The following ASIC4 variants were observed in gnomAD, a reference collection of about 807,000 sequenced individuals.
ASIC4 encodes the protein acid sensing ion channel subunit family member 4, also known as acid-sensing ion channel 4.
A neutral mutation model predicts 53.4 loss-of-function variants in ASIC4; 28 were observed. The observed-to-expected ratio is 0.52, with a 90% CI of 0.39 to 0.72. ASIC4 has a LOEUF of 0.72. Ranked by LOEUF, ASIC4 falls within the 30% of genes least tolerant of loss-of-function variation. The pLI is 0.00. For missense variants in ASIC4, 649 were observed against 729.7 expected, an observed-to-expected ratio of 0.89 and a Z score of 1.27; for synonymous variants, 289 against 301.4, an observed-to-expected ratio of 0.96 and a Z score of 0.43.
Position 219,538,120 on chromosome 2 carries a change from G to A in ASIC4, c.*74G>A. 1.5e-6 allele frequency: 2 copies of A among 1,297,052 alleles called. No individual in the cohort carries two copies. Among genetic ancestry groups the A allele is most frequent in the South Asian group, 1.3e-5 (1 of 78,836 alleles). The allele number at this position is 1,297,052 out of a possible 1,614,324, so 80.3% of individuals were successfully genotyped here. On this transcript the variant is annotated 3_prime_UTR_variant, in exon 10 of 10. Coordinates refer to ENST00000358078, the MANE Select transcript of ASIC4 (RefSeq NM_018674.6). ...ATCCCCAGCACATTCTCCTGCTCCTGGGAGAGGCCTGGGGGCGGTGCTCAC... is the reference window on the plus strand; with the variant it reads ...ATCCCCAGCACATTCTCCTGCTCCTAGGAGAGGCCTGGGGGCGGTGCTCAC...
In ASIC4 at chr2:219,532,489, AC is replaced by A. The variant is rs1168778031; in HGVS notation, c.1018+17del. ...GGTGCACATGCCAGGTGGGCACCCCACCCCCAGCCAGCCCTCCATGCCACCC... is the reference window on the plus strand; with the variant it reads ...GGTGCACATGCCAGGTGGGCACCCCACCCCAGCCAGCCCTCCATGCCACCC... On this transcript the variant is annotated intron_variant, in intron 4 of 9. Transcript: ENST00000358078. 1 of 1,601,504 alleles carries A rather than the reference AC, an allele frequency of 6.2e-7. No individual in the cohort carries two copies. The highest frequency in any genetic ancestry group is 1.1e-5 in the South Asian group (1 of 90,756).
Position 219,538,091 on chromosome 2 carries a change from T to G in ASIC4, c.*45T>G, listed in dbSNP as rs574977275. On this transcript the variant is annotated 3_prime_UTR_variant, in exon 10 of 10. Transcript: ENST00000358078. ...GGACCCAGGAGTCTGGGACCCCTCCTGGGATCCCCAGCACATTCTCCTGCT... is the reference window on the plus strand; with the variant it reads ...GGACCCAGGAGTCTGGGACCCCTCCGGGGATCCCCAGCACATTCTCCTGCT... The G allele has an allele frequency of 1.4e-5, 20 of 1,480,636 alleles. 1 individual carries two copies. The South Asian group carries it at 1.7e-4, about 12-fold the overall frequency. The allele number at this position is 1,480,636 out of a possible 1,614,324, so 91.7% of individuals were successfully genotyped here. A position where few individuals can be genotyped will look rare whatever the true frequency, so the allele number is the denominator to read the frequency against.
At chr2:219,522,016 A>G (rs1694892139) in intron 1 of ASIC4, among the ~76,000 whole-genome samples, 1 of 152,214 alleles carries the variant, frequency 6.6e-6, no homozygotes, top group Admixed American at 6.5e-5. Flanking sequence ...TGTGTTTTCT[A>G]GGAAGAGGTG....
intron 1 of ASIC4, among the ~76,000 whole-genome samples, chr2:219,523,953 A>G (rs1370739183): frequency 6.6e-6 from 1 of 152,062 alleles, no homozygotes; most frequent in Non-Finnish European, 1.5e-5. Context: ...CCTCCTGAGT[A>G]GCTGGGACTA....
intron 1 of ASIC4, among the ~76,000 whole-genome samples, chr2:219,531,118 G>A (rs1260188684): frequency 1.3e-5 from 2 of 152,070 alleles, no homozygotes; most frequent in Non-Finnish European, 2.9e-5. Flanking sequence ...GGAAGCCAAA[G>A]CAGAAGGATT....
chr2:219,516,370 G>A lies in ASIC4; in HGVS notation c.582+1064G>A, dbSNP rs935898663. 2.6e-5 allele frequency among the ~76,000 whole-genome samples: 4 copies of A among 152,108 alleles called. No homozygotes were observed. The highest frequency in any genetic ancestry group is 2.1e-4 in the South Asian group (1 of 4,822). On this transcript the variant is annotated intron_variant, in intron 1 of 9. Coordinates refer to ENST00000358078, the MANE Select transcript of ASIC4 (RefSeq NM_018674.6). The surrounding 1 kb of genome is among the most constrained non-coding windows in gnomAD (Gnocchi z 4.9). ...GAGCACAAACACAAGCACCCTCTCC[G>A]GGAGAGGGGTGTGAGCTTGGGCTGC...
upstream of ASIC4, among the ~76,000 whole-genome samples, chr2:219,510,283 A>T (rs1378488369): frequency 6.9e-6 from 1 of 145,798 alleles, no homozygotes; most frequent in African/African-American, 2.6e-5. This position sits in a 1 kb window ranked among gnomAD's most constrained non-coding sequence, Gnocchi z 5.2. Flanking sequence ...TGCTCCCAGC[A>T]GCTTTCGCTG....
chr2:219,532,166 G>A (rs202019494), intron 3 of ASIC4, 38 bp downstream of exon 3: 1 of 1,612,746 alleles, frequency 6.2e-7, no homozygotes, highest in Non-Finnish European at 8.5e-7. Flanking sequence ...TGGGCACAGG[G>A]CTCGCCTTTG....
chr2:219,527,311 G>A (rs1338902297), intron 1 of ASIC4, among the ~76,000 whole-genome samples: 1 of 152,336 alleles, frequency 6.6e-6, no homozygotes, highest in South Asian at 2.1e-4. Context: ...TGGCCAGTCC[G>A]TTCCCTGCAG....
chr2:219,511,768 G>A (rs904893246), upstream of ASIC4, among the ~76,000 whole-genome samples: 1 of 151,990 alleles, frequency 6.6e-6, no homozygotes, highest in African/African-American at 2.4e-5. This position sits in a 1 kb window ranked among gnomAD's most constrained non-coding sequence, Gnocchi z 5.3. Flanking sequence ...CGGGGTGGGG[G>A]TGGGGAAGAA....
intron 1 of ASIC4, among the ~76,000 whole-genome samples, chr2:219,521,562 G>A (rs12997339): frequency 0.015 from 2,224 of 152,256 alleles, 22 homozygotes; most frequent in Middle Eastern, 0.037. Context: ...AGCACTACAG[G>A]GAGCATTGGA....
rs1283768374 is a variant in ASIC4 at position 219,531,791 on chromosome 2, A to C, written c.616A>C (p.Asn206His). Reference protein sequence around the residue: ...YTRYGKCYTFNADPRSSLPSR... With the variant: ...YTRYGKCYTFHADPRSSLPSR... ...TCGCTATGGGAAGTGTTACACCTTCAACGCGGACCCGCGGAGCTCGCTGCC... is the reference window on the plus strand; with the variant it reads ...TCGCTATGGGAAGTGTTACACCTTCCACGCGGACCCGCGGAGCTCGCTGCC... The change falls in exon 2 of 10, where the codon AAC (asparagine) becomes CAC (histidine). Residue 206 changes from asparagine (N) to histidine (H), a missense_variant. Physicochemically the swap from Asn to His is moderately conservative, Grantham distance 68. Coordinates refer to ENST00000358078, the MANE Select transcript of ASIC4 (RefSeq NM_018674.6). 4.3e-6 allele frequency: 7 copies of C among 1,612,048 alleles called. No homozygotes were observed. The highest frequency in any genetic ancestry group is 1.3e-5 in the African/African-American group (1 of 75,010).
intron 2 of ASIC4, 40 bp downstream of exon 2, chr2:219,531,942 T>C (rs1279755537): frequency 1.2e-6 from 2 of 1,612,202 alleles, no homozygotes; most frequent in Non-Finnish European, 8.5e-7. Context: ...CCTTGGGGAC[T>C]GGGGCCTGGG....
chr2:219,514,384 C>G, upstream of ASIC4: 1 of 1,546,434 alleles, frequency 6.5e-7, no homozygotes. Context: ...CGTGGCGGAG[C>G]AGCGCTCGCT....
the ASIC4 span, among the ~76,000 whole-genome samples, chr2:219,508,063 C>G: frequency 6.6e-6 from 1 of 152,208 alleles, no homozygotes; most frequent in Non-Finnish European, 1.5e-5. Flanking sequence ...CAGTCCTGAC[C>G]TATAAGCTGT....
chr2:219,534,241 CT>C (rs1306771420), intron 5 of ASIC4, among the ~76,000 whole-genome samples: 1 of 152,190 alleles, frequency 6.6e-6, no homozygotes, highest in Non-Finnish European at 1.5e-5. Context: ...ACATCCAGCC[CT>C]TCTCTGTCCC....
Position 219,532,644 on chromosome 2 carries a change from A to G in ASIC4, c.1018+167A>G, listed in dbSNP as rs181188966. On this transcript the variant is annotated intron_variant, in intron 4 of 9. Coordinates refer to ENST00000358078, the MANE Select transcript of ASIC4 (RefSeq NM_018674.6). ...TTGGGATTTTTAAACATGGTTTCAC[A>G]TATGCATGTGGGAATGCCGGCATGC... 1.1e-4 allele frequency: 111 copies of G among 1,034,350 alleles called. No individual in the cohort carries two copies. The Middle Eastern group carries it at 2.2e-3, about 21-fold the overall frequency. The allele number at this position is 1,034,350 out of a possible 1,614,324, so 64.1% of individuals were successfully genotyped here. A position where few individuals can be genotyped will look rare whatever the true frequency, so the allele number is the denominator to read the frequency against.
At chr2:219,534,673 G>A (rs1393698717) in intron 5 of ASIC4, among the ~76,000 whole-genome samples, 1 of 152,184 alleles carries the variant, frequency 6.6e-6, no homozygotes, top group African/African-American at 2.4e-5. Context: ...TGGATCTGAA[G>A]GGGCAGGCAG....
Position 219,537,700 on chromosome 2 carries a change from C to T in ASIC4, c.1470C>T (p.Gly490=), listed in dbSNP as rs776375336. 2 of 1,614,096 alleles carry T rather than the reference C, an allele frequency of 1.2e-6. No individual in the cohort carries two copies. The highest frequency in any genetic ancestry group is 2.7e-5 in the African/African-American group (2 of 75,052). The change falls in exon 9 of 10, where the codon GGC becomes GGT. Residue 490 remains glycine, a synonymous_variant. Transcript: ENST00000358078. This position sits in a 1 kb window ranked among gnomAD's most constrained non-coding sequence, Gnocchi z 4.9. The part of the protein sequence containing the change: ...PKTPLRTSTG[G]ISTLGLQELK... ...CCCCCCTGCGGACCTCCACTGGGGG[C>T]ATCTCCACTTTGGGGCTTCAGGAGC...
Sources: allele counts gnomAD v4.1 joint callset (sites outside exome capture counted in the v4.1 genomes callset), GRCh38; gene constraint gnomAD v4.1.1; non-coding constraint Gnocchi (gnomAD v3.1); transcripts MANE v1.5; gene names NCBI Gene and HGNC (gene_info 2026-07-23, HGNC 2026-07-21).